Variants in NKAIN3 observed in about 807,000 individuals in gnomAD.
NKAIN3 encodes sodium/potassium-transporting ATPase subunit beta-1-interacting protein 3.
NKAIN3 carries 25 observed loss-of-function variants against 30.2 expected under a neutral mutation model. That is an observed-to-expected ratio of 0.83 (90% CI 0.60 to 1.16). The LOEUF is 1.16. Ranked by LOEUF, NKAIN3 falls within the 50% of genes most tolerant of loss-of-function variation. The pLI is 0.00. For missense variants in NKAIN3, 225 were observed against 254.1 expected (o/e 0.89, Z 0.78); for synonymous variants, 91 against 89.6 (o/e 1.02, Z -0.09).
At chr8:62,837,146 G>A (rs1242114684) in intron 4 of NKAIN3, among the ~76,000 whole-genome samples, 3 of 152,042 alleles carry the variant, frequency 2.0e-5, no homozygotes, top group Admixed American at 1.3e-4. Flanking sequence ...TGTGTATAAC[G>A]CACTGGCATT....
intron 1 of NKAIN3, among the ~76,000 whole-genome samples, chr8:62,326,347 C>A (rs1815129326): frequency 6.6e-6 from 1 of 151,770 alleles, no homozygotes; most frequent in African/African-American, 2.4e-5. Flanking sequence ...AATTTTGTTA[C>A]ATTCGTTACA....
At chr8:62,896,409 G>A (rs966693900) in intron 4 of NKAIN3, among the ~76,000 whole-genome samples, 3 of 152,060 alleles carry the variant, frequency 2.0e-5, no homozygotes, top group Non-Finnish European at 4.4e-5. Flanking sequence ...ATAACACTTG[G>A]CTATTTACAG....
chr8:62,503,238 C>T (rs530886697), intron 1 of NKAIN3, among the ~76,000 whole-genome samples: 39 of 152,270 alleles, frequency 2.6e-4, no homozygotes, highest in African/African-American at 8.4e-4. Flanking sequence ...CATCACATAT[C>T]GGTAGGTCCG....
intron 5 of NKAIN3, among the ~76,000 whole-genome samples, chr8:62,947,690 A>G (rs929286093): frequency 3.3e-5 from 5 of 152,110 alleles, no homozygotes; most frequent in African/African-American, 1.2e-4. Context: ...GCCTGGCTAT[A>G]TTTGGTTGCT....
intron 4 of NKAIN3, among the ~76,000 whole-genome samples, chr8:62,829,872 C>A (rs781080405): frequency 6.6e-6 from 1 of 151,954 alleles, no homozygotes; most frequent in South Asian, 2.1e-4. Flanking sequence ...AAACTAGACT[C>A]CCATAAGGTA....
Position 62,607,339 on chromosome 8 carries a change from G to T in NKAIN3, c.273+17545G>T, listed in dbSNP as rs1811159298. On this transcript the variant is annotated intron_variant, in intron 3 of 6. Coordinates refer to ENST00000623646, the MANE Select transcript of NKAIN3 (RefSeq NM_001304533.3). ...TTTCTGCTGTGGAAGATCCCTGAAT[G>T]CACACCCCCTGCTGGGGCCAACTAT... Among the ~76,000 whole-genome samples the T allele has an allele frequency of 2.6e-5, 4 of 152,256 alleles. No individual in the cohort carries two copies. In the South Asian group the frequency reaches 8.3e-4, roughly 32 times the overall value.
At chr8:62,442,933 TATATC>T (rs1359520011) in intron 1 of NKAIN3, among the ~76,000 whole-genome samples, 2 of 152,018 alleles carry the variant, frequency 1.3e-5, no homozygotes, top group Non-Finnish European at 2.9e-5. Flanking sequence ...CAGTGAAAAA[TATATC>T]ATACATAATA....
At chr8:62,341,162 A>T (rs1815733312) in intron 1 of NKAIN3, among the ~76,000 whole-genome samples, 1 of 152,018 alleles carries the variant, frequency 6.6e-6, no homozygotes. Context: ...CAAGTTACAC[A>T]AGTGACAATG....
At chr8:62,735,688 G>A (rs1024044561) in intron 3 of NKAIN3, among the ~76,000 whole-genome samples, 1 of 152,110 alleles carries the variant, frequency 6.6e-6, no homozygotes, top group African/African-American at 2.4e-5. Flanking sequence ...GAACGAGTGC[G>A]ATCTTTTGGG....
At chr8:62,320,593 G>A (rs542253813) in intron 1 of NKAIN3, among the ~76,000 whole-genome samples, 17 of 152,168 alleles carry the variant, frequency 1.1e-4, no homozygotes, top group African/African-American at 4.1e-4. Flanking sequence ...CACTTATGAA[G>A]CTTAGTTTGA....
chr8:62,504,086 T>C (rs927098105), intron 1 of NKAIN3, among the ~76,000 whole-genome samples: 2 of 152,242 alleles, frequency 1.3e-5, no homozygotes. Context: ...CCGGGGTCCC[T>C]GACTTCCCAC....
At chr8:62,941,791 C>T (rs1219781901) in intron 5 of NKAIN3, among the ~76,000 whole-genome samples, 1 of 152,088 alleles carries the variant, frequency 6.6e-6, no homozygotes, top group Non-Finnish European at 1.5e-5. Flanking sequence ...CTATGACAAA[C>T]CCACAGCCAA....
chr8:62,416,127 G>T (rs957843228), intron 1 of NKAIN3, among the ~76,000 whole-genome samples: 1 of 152,024 alleles, frequency 6.6e-6, no homozygotes, highest in Non-Finnish European at 1.5e-5. Context: ...CCGTGTCTAA[G>T]GTCTTGATCT....
At chr8:62,527,467 T>C (rs1808339875) in intron 1 of NKAIN3, among the ~76,000 whole-genome samples, 1 of 152,158 alleles carries the variant, frequency 6.6e-6, no homozygotes, top group Non-Finnish European at 1.5e-5. Flanking sequence ...TAATAATGGA[T>C]ATAGGGCATG....
chr8:62,445,313 C>CTT (rs71255337), intron 1 of NKAIN3, among the ~76,000 whole-genome samples: 16 of 143,492 alleles, frequency 1.1e-4, no homozygotes, highest in African/African-American at 3.5e-4. Context: ...ATCTACGTGT[C>CTT]TTTTTTTTTT....
chr8:62,570,669 G>A (rs1408381964), intron 1 of NKAIN3, among the ~76,000 whole-genome samples: 1 of 152,070 alleles, frequency 6.6e-6, no homozygotes, highest in Non-Finnish European at 1.5e-5. Context: ...CATAATATAT[G>A]GGAATTATGG....
chr8:62,807,119 C>G (rs1818320977), intron 4 of NKAIN3, among the ~76,000 whole-genome samples: 1 of 152,132 alleles, frequency 6.6e-6, no homozygotes, highest in African/African-American at 2.4e-5. Flanking sequence ...AATTTGTGCA[C>G]ATATGCATTT....
intron 1 of NKAIN3, among the ~76,000 whole-genome samples, chr8:62,456,513 C>T (rs538728035): frequency 1.1e-4 from 16 of 143,902 alleles, no homozygotes; most frequent in Admixed American, 2.1e-4. Flanking sequence ...AGCGAGACTC[C>T]GTCTTAAAAA....
intron 1 of NKAIN3, among the ~76,000 whole-genome samples, chr8:62,445,277 G>A (rs766916390): frequency 8.0e-5 from 12 of 150,414 alleles, no homozygotes. Context: ...GAATGATTTT[G>A]AGTCTTTTCC....
Sources: allele counts gnomAD v4.1 joint callset (sites outside exome capture counted in the v4.1 genomes callset), GRCh38; gene constraint gnomAD v4.1.1; transcripts MANE v1.5; gene names NCBI Gene and HGNC (gene_info 2026-07-23, HGNC 2026-07-21).